Variants in DNAH12 observed in about 807,000 individuals in gnomAD.
The protein encoded by DNAH12 is axonemal beta dynein heavy chain 12.
In DNAH12, 285 loss-of-function variants were observed where a neutral mutation model predicts 371.5. That is an observed-to-expected ratio of 0.77 (90% CI 0.70 to 0.85). DNAH12 has a LOEUF of 0.85. Among genes scored for constraint, DNAH12 ranks in the 40% least tolerant of loss-of-function variants. The probability of loss-of-function intolerance (pLI) is 0.00; values close to 1 mark genes in which losing one functional copy is unlikely to be tolerated. For missense variants in DNAH12, 3,611 were observed against 3,689.4 expected (o/e 0.98, Z 0.55); for synonymous variants, 1,200 against 1,213.0 (o/e 0.99, Z 0.22).
At chr3:57,436,329 C>G (rs866112568) in intron 30 of DNAH12, among the ~76,000 whole-genome samples, 34 of 152,056 alleles carry the variant, frequency 2.2e-4, no homozygotes, top group Non-Finnish European at 5.9e-5. Context: ...TTAGATGAGG[C>G]CCTTCAAGTG....
At position 57,309,157 on chromosome 3, in the gene DNAH12, A is replaced by G. The variant is rs370134785; in HGVS notation, c.11183T>C (p.Phe3728Ser). ...NTVLVQEMER[F>S]NNLIITIRNT... Reference sequence around the variant, plus strand: ...TGGGGATATAGATCCTTACTTGTTAAATCTTTCCATTTCTTGTACTAACAC... The same window carrying G: ...TGGGGATATAGATCCTTACTTGTTAGATCTTTCCATTTCTTGTACTAACAC... Residue 3728 changes from phenylalanine (F) to serine (S), a missense_variant, in exon 69 of 74, where the codon TTT becomes TCT. Transcript: ENST00000495027. 111 of 1,540,792 alleles carry G rather than the reference A, an allele frequency of 7.2e-5. No homozygotes were observed. Among genetic ancestry groups the G allele is most frequent in the Non-Finnish European group, 8.5e-5 (97 of 1,142,628 alleles).
At chr3:57,521,279 G>C (rs148004847) in intron 4 of DNAH12, among the ~76,000 whole-genome samples, 4 of 151,952 alleles carry the variant, frequency 2.6e-5, no homozygotes, top group African/African-American at 9.6e-5. Context: ...GGGAGCTTTA[G>C]GCTGAGGTTT....
rs1046481470 is a variant in DNAH12 at position 57,497,440 on chromosome 3, T to C, written c.1335+3881A>G. On this transcript the variant is annotated intron_variant, in intron 11 of 73. Coordinates refer to ENST00000495027, the MANE Select transcript of DNAH12 (RefSeq NM_001366028.2). ...GAATCCAGAAATAGACCCACAGATATAGGGTCAATTGATTTTCAACAAAGA... is the reference window on the plus strand; with the variant it reads ...GAATCCAGAAATAGACCCACAGATACAGGGTCAATTGATTTTCAACAAAGA... Among the ~76,000 whole-genome samples the C allele has an allele frequency of 2.6e-5, 4 of 152,108 alleles. No individual in the cohort carries two copies. The South Asian group carries it at 8.3e-4, about 32-fold the overall frequency.
chr3:57,503,474 C>T (rs909334489), intron 9 of DNAH12, among the ~76,000 whole-genome samples: 12 of 151,580 alleles, frequency 7.9e-5, no homozygotes, highest in African/African-American at 2.2e-4. Context: ...CTGCAACCTC[C>T]GACTCCCTGG....
chr3:57,375,264 AGGTGGTAGTTATATT>A (rs2063259303), intron 55 of DNAH12, 92 bp downstream of exon 55: 1 of 152,144 alleles, frequency 6.6e-6, no homozygotes, highest in African/African-American at 2.4e-5. Context: ...AGAATCTAGG[AGGTGGTAGTTATATT>A]GGTGCTTATG....
chr3:57,502,415 A>G lies in DNAH12; in HGVS notation c.1151T>C (p.Leu384Pro). 3 of 1,614,218 alleles carry G rather than the reference A, an allele frequency of 1.9e-6. No homozygotes were observed. The highest frequency in any genetic ancestry group is 8.5e-7 in the Non-Finnish European group (1 of 1,180,044). ...AGCCCAGTGTAACACGTGTTCAGGA[A>G]GTTCTGTGTCAAGATTTACTGGTGT... is the stretch of plus-strand genomic sequence containing the variant. ...TSTPVNLDTE[L>P]PEHVLHWAVD... The change falls in exon 10 of 74, where the codon CTT (leucine) becomes CCT (proline). Residue 384 changes from leucine to proline, a missense_variant. Transcript: ENST00000495027.
chr3:57,420,903 C>T (rs1283671414), intron 36 of DNAH12, among the ~76,000 whole-genome samples: 2 of 113,498 alleles, frequency 1.8e-5, no homozygotes, highest in African/African-American at 9.0e-5. Flanking sequence ...AGCAAGACTC[C>T]GTCTCAAAAA....
chr3:57,448,838 A>T lies in DNAH12; in HGVS notation c.3787-2149T>A, dbSNP rs375093477. On this transcript the variant is annotated intron_variant, in intron 25 of 73. Transcript: ENST00000495027. ...GCCCCACCAGAGTAGCTAGATACAGAGTGTTGATTGGTGCACTCACAAACC... is the reference window on the plus strand; with the variant it reads ...GCCCCACCAGAGTAGCTAGATACAGTGTGTTGATTGGTGCACTCACAAACC... Among the ~76,000 whole-genome samples, 53 of 152,230 alleles carry T rather than the reference A, an allele frequency of 3.5e-4. No individual in the cohort carries two copies. The East Asian group carries it at 7.7e-3, about 22-fold the overall frequency.
intron 43 of DNAH12, among the ~76,000 whole-genome samples, chr3:57,400,362 T>C (rs2063832519): frequency 1.3e-5 from 2 of 152,164 alleles, no homozygotes; most frequent in African/African-American, 4.8e-5. Context: ...TAAATATTTA[T>C]GCACCAAACC....
intron 37 of DNAH12, among the ~76,000 whole-genome samples, chr3:57,418,026 C>T (rs1042633534): frequency 3.3e-5 from 5 of 151,874 alleles, no homozygotes; most frequent in African/African-American, 4.8e-5. Context: ...GTGGCAGGTG[C>T]CTGTAATCCC....
intron 13 of DNAH12, among the ~76,000 whole-genome samples, chr3:57,477,451 G>T (rs940845610): frequency 4.3e-4 from 66 of 152,128 alleles, no homozygotes; most frequent in Non-Finnish European, 7.9e-4. Flanking sequence ...TGGAGTGCAC[G>T]GCAGCTCAAG....
At chr3:57,519,327 A>C (rs1035483999) in intron 4 of DNAH12, among the ~76,000 whole-genome samples, 9 of 152,158 alleles carry the variant, frequency 5.9e-5, no homozygotes, top group African/African-American at 2.2e-4. Context: ...TCTGAATGAA[A>C]CTGATTCCAC....
chr3:57,413,771 G>T lies in DNAH12; in HGVS notation c.5995C>A (p.Arg1999=). ...YGAQPPIELL[R]QFFDCGHWYD... ...CAATGTCCACAGTCAAAAAACTGTC[G>T]TAATAATTCAATAGGTGGTTGAGCT... is the stretch of plus-strand genomic sequence containing the variant. The change falls in exon 39 of 74, where the codon CGA becomes AGA. Residue 1999 remains arginine, a synonymous_variant. Coordinates refer to ENST00000495027, the MANE Select transcript of DNAH12 (RefSeq NM_001366028.2). The T allele has an allele frequency of 6.4e-7, 1 of 1,550,690 alleles. No individual in the cohort carries two copies. The highest frequency in any genetic ancestry group is 8.7e-7 in the Non-Finnish European group (1 of 1,146,584).
chr3:57,478,980 G>C (rs1002585355), intron 13 of DNAH12, among the ~76,000 whole-genome samples: 1 of 152,188 alleles, frequency 6.6e-6, no homozygotes, highest in Non-Finnish European at 1.5e-5. Flanking sequence ...GTGCCAAATT[G>C]TAAAGACCAT....
chr3:57,414,373 C>A (rs1401644467), intron 38 of DNAH12, among the ~76,000 whole-genome samples: 1 of 152,038 alleles, frequency 6.6e-6, no homozygotes, highest in Non-Finnish European at 1.5e-5. Context: ...TTATTTTTTT[C>A]TTCACTGAAT....
rs995222275 is a variant in DNAH12, at chr3:57,436,979, TTTGAA to T, written c.4622_4626del (p.Ile1541AsnfsTer3). 1 of 1,511,722 alleles carries T rather than the reference TTTGAA, an allele frequency of 6.6e-7. No individual in the cohort carries two copies. The highest frequency in any genetic ancestry group is 1.4e-5 in the African/African-American group (1 of 70,532). The allele number at this position is 1,511,722 out of a possible 1,614,324, so 93.6% of individuals were successfully genotyped here. A position where few individuals can be genotyped will look rare whatever the true frequency, so the allele number is the denominator to read the frequency against. ...TGTCTAACAATCATCATTTCATATGTTTGAATTATTTTTTCAAGAAAAAATTTAAC... is the reference window on the plus strand; with the variant it reads ...TGTCTAACAATCATCATTTCATATGTTTATTTTTTCAAGAAAAAATTTAAC... On this transcript the variant is annotated frameshift_variant, in exon 30 of 74. Transcript: ENST00000495027. LOFTEE classifies it high-confidence loss of function.
intron 60 of DNAH12, among the ~76,000 whole-genome samples, chr3:57,338,879 G>A (rs1011153138): frequency 6.6e-6 from 1 of 152,246 alleles, no homozygotes; most frequent in African/African-American, 2.4e-5. Flanking sequence ...CAGCTCCGAA[G>A]AGACAACGAC....
chr3:57,501,266 C>T (rs2067532435), intron 11 of DNAH12, 55 bp downstream of exon 11: 1 of 1,305,132 alleles, frequency 7.7e-7, no homozygotes, highest in Non-Finnish European at 1.1e-6. Context: ...ATGGAAAGAT[C>T]CTAATGTTAC....
intron 12 of DNAH12, among the ~76,000 whole-genome samples, chr3:57,486,729 A>G (rs549756135): frequency 6.6e-6 from 1 of 152,254 alleles, no homozygotes; most frequent in South Asian, 2.1e-4. Context: ...AAAAATGCTG[A>G]GGATCCCTTG....
Sources: gnomAD v4.1 joint callset for allele counts (sites outside exome capture counted in the v4.1 genomes callset) on GRCh38, gnomAD v4.1.1 for gene constraint, MANE v1.5 for transcripts, NCBI Gene and HGNC (gene_info 2026-07-23, HGNC 2026-07-21) for gene names.